UGGT2: variants seen among roughly 807,000 people sequenced by gnomAD.
UGGT2 encodes UDP-glucose glycoprotein glucosyltransferase 2.
Under a neutral mutation model 192.1 loss-of-function variants are expected in UGGT2, and 180 were observed. The ratio of observed to expected loss-of-function variants is 0.94; its 90% CI spans 0.83 to 1.06. UGGT2 has a LOEUF of 1.06. Ranked by LOEUF, UGGT2 falls within the 50% of genes least tolerant of loss-of-function variation. The pLI, the probability that UGGT2 is intolerant of heterozygous loss-of-function variation, is 0.00. For synonymous variants in UGGT2, 580 were observed against 591.0 expected (o/e 0.98, Z 0.27); for missense variants, 1,849 against 1,795.7 (o/e 1.03, Z -0.54).
chr13:95,808,585 C>A (rs765226359), intron 38 of UGGT2, among the ~76,000 whole-genome samples: 1 of 151,892 alleles, frequency 6.6e-6, no homozygotes, highest in African/African-American at 2.4e-5. Context: ...CACATATGTA[C>A]CAAAAATCTA....
intron 1 of UGGT2, among the ~76,000 whole-genome samples, chr13:96,037,115 AT>A (rs2053027792): frequency 6.6e-6 from 1 of 152,146 alleles, no homozygotes; most frequent in South Asian, 2.1e-4. Context: ...TTTCAAAAAT[AT>A]TTTCAGTCAG....
At chr13:95,885,464 C>CA (rs2047618974) in intron 26 of UGGT2, among the ~76,000 whole-genome samples, 1 of 152,144 alleles carries the variant, frequency 6.6e-6, no homozygotes, top group Admixed American at 6.5e-5. Context: ...CAATATGCTT[C>CA]AAAAGAGAAG....
At chr13:95,961,611 T>C (rs1427184368) in intron 12 of UGGT2, among the ~76,000 whole-genome samples, 2 of 151,974 alleles carry the variant, frequency 1.3e-5, no homozygotes, top group Admixed American at 1.3e-4. Context: ...GCAAACATTA[T>C]TACAGCTAAA....
intron 25 of UGGT2, among the ~76,000 whole-genome samples, chr13:95,889,319 C>T (rs939768771): frequency 6.6e-6 from 1 of 152,106 alleles, no homozygotes; most frequent in African/African-American, 2.4e-5. Flanking sequence ...TATGGTTTGT[C>T]CTACTCGTTT....
chr13:95,920,513 C>T (rs777079886), intron 20 of UGGT2, among the ~76,000 whole-genome samples: 13 of 151,552 alleles, frequency 8.6e-5, no homozygotes, highest in African/African-American at 2.7e-4. Context: ...AAAAAACAAA[C>T]GACAAAGTGG....
At chr13:95,918,075 C>G (rs953291144) in intron 20 of UGGT2, among the ~76,000 whole-genome samples, 6 of 152,218 alleles carry the variant, frequency 3.9e-5, no homozygotes, top group African/African-American at 9.6e-5. Context: ...CAAAACCCAA[C>G]AGAATATACA....
intron 22 of UGGT2, among the ~76,000 whole-genome samples, chr13:95,896,258 A>G (rs983044936): frequency 6.6e-6 from 1 of 152,116 alleles, no homozygotes; most frequent in African/African-American, 2.4e-5. Context: ...TTACTGAAGC[A>G]TAGTTCTTGA....
chr13:95,822,072 T>G (rs1411891994), intron 38 of UGGT2, among the ~76,000 whole-genome samples: 4 of 152,168 alleles, frequency 2.6e-5, no homozygotes, highest in Non-Finnish European at 4.4e-5. Flanking sequence ...ATATGAATTT[T>G]AGGATTGTTT....
At chr13:95,929,879 TG>T (rs2049184121) in intron 17 of UGGT2, among the ~76,000 whole-genome samples, 1 of 152,222 alleles carries the variant, frequency 6.6e-6, no homozygotes, top group Non-Finnish European at 1.5e-5. Context: ...CCAAAGGGGC[TG>T]AACTAATTTA....
rs2049978452 is a variant in UGGT2 at position 95,949,177 on chromosome 13, GT to G, written c.1455+157del. Among the ~76,000 whole-genome samples, 4 of 152,124 alleles carry G rather than the reference GT, an allele frequency of 2.6e-5. No homozygotes were observed. In the South Asian group the frequency reaches 8.3e-4, roughly 31 times the overall value. ...GACTAATACAGTGACATGGCTAGTTGTTGATACCCAGTCAGCCATGCCACCT... is the reference window on the plus strand; with the variant it reads ...GACTAATACAGTGACATGGCTAGTTGTGATACCCAGTCAGCCATGCCACCT... On this transcript the variant is annotated intron_variant, in intron 13 of 38. Coordinates refer to ENST00000376747, the MANE Select transcript of UGGT2 (RefSeq NM_020121.4).
intron 9 of UGGT2, chr13:95,985,240 C>CATATAT: frequency 8.2e-7 from 1 of 1,216,718 alleles, no homozygotes; most frequent in Non-Finnish European, 1.1e-6. Flanking sequence ...TATACACACC[C>CATATAT]ATATATATTT....
In UGGT2 at chr13:95,807,716, C is replaced by CTTTTTTTTTTTTTTTTTTTTTTTTTT; in HGVS notation, c.4529-5905_4529-5904insAAAAAAAAAAAAAAAAAAAAAAAAAA. Among the ~76,000 whole-genome samples the CTTTTTTTTTTTTTTTTTTTTTTTTTT allele has an allele frequency of 1.9e-4, 15 of 78,700 alleles. 2 individuals carry two copies. Among genetic ancestry groups the CTTTTTTTTTTTTTTTTTTTTTTTTTT allele is most frequent in the East Asian group, 6.9e-4 (2 of 2,890 alleles). The allele number at this position is 78,700 out of a possible 152,430, so 51.6% of individuals were successfully genotyped here. A position where few individuals can be genotyped will look rare whatever the true frequency, so the allele number is the denominator to read the frequency against. ...GTATCTTGAAACCCTCAGCCCTCAC[C>CTTTTTTTTTTTTTTTTTTTTTTTTTT]TTTTTTTTTTTTTTTTTTTGCCGTA... On this transcript the variant is annotated intron_variant, in intron 38 of 38. Coordinates refer to ENST00000376747, the MANE Select transcript of UGGT2 (RefSeq NM_020121.4).
At position 95,856,254 on chromosome 13, in the gene UGGT2, AG is replaced by A; in HGVS notation, c.3911del (p.Thr1304MetfsTer21). ...YRWPRWLRQQ[T>X]ERQRIIWGYK... ...AACCCCAAATAATCCTCTGTCTTTC[AG>A]TCTGTTGACGAAGCCAACGGGGCCA... On this transcript the variant is annotated frameshift_variant, in exon 34 of 39. Coordinates refer to ENST00000376747, the MANE Select transcript of UGGT2 (RefSeq NM_020121.4). LOFTEE classifies it high-confidence loss of function. 1 of 1,613,734 alleles carries A rather than the reference AG, an allele frequency of 6.2e-7. No homozygotes were observed. Among genetic ancestry groups the A allele is most frequent in the Non-Finnish European group, 8.5e-7 (1 of 1,179,790 alleles).
intron 20 of UGGT2, among the ~76,000 whole-genome samples, chr13:95,907,684 G>C (rs535788320): frequency 2.0e-5 from 3 of 152,282 alleles, no homozygotes; most frequent in Non-Finnish European, 4.4e-5. Context: ...CTAACAAACA[G>C]AAAGGAATAG....
chr13:96,014,153 T>C (rs1465843577), intron 4 of UGGT2, among the ~76,000 whole-genome samples: 1 of 152,206 alleles, frequency 6.6e-6, no homozygotes, highest in Non-Finnish European at 1.5e-5. Flanking sequence ...CTCATGTTTA[T>C]GGAATTCCAA....
At chr13:95,831,682 TACAGC>T (rs1487018020) in intron 38 of UGGT2, among the ~76,000 whole-genome samples, 1 of 152,164 alleles carries the variant, frequency 6.6e-6, no homozygotes, top group Admixed American at 6.6e-5. Context: ...CCTTAACTTA[TACAGC>T]TACTATACGT....
intron 1 of UGGT2, among the ~76,000 whole-genome samples, chr13:96,047,686 C>T (rs2053357342): frequency 1.3e-5 from 2 of 152,038 alleles, no homozygotes; most frequent in South Asian, 4.1e-4. Flanking sequence ...GGTTGCAATC[C>T]TAGTCTCTGA....
chr13:95,909,768 AATAAT>A, intron 20 of UGGT2, among the ~76,000 whole-genome samples: 1 of 139,796 alleles, frequency 7.2e-6, no homozygotes, highest in Admixed American at 7.3e-5. Context: ...TAATAATAAT[AATAAT>A]AATAATAAAA....
Position 95,853,533 on chromosome 13 carries a change from T to C in UGGT2, c.4284+10A>G. On this transcript the variant is annotated intron_variant, in intron 36 of 38. Transcript: ENST00000376747. ...CACACTCAAAATTATTCTGTTAACA[T>C]TTTACTTACCTGATCTAGGTTTGAA... The C allele has an allele frequency of 6.2e-7, 1 of 1,609,948 alleles. No individual in the cohort carries two copies. The highest frequency in any genetic ancestry group is 8.5e-7 in the Non-Finnish European group (1 of 1,176,898).
Sources: gnomAD v4.1 joint callset for allele counts (sites outside exome capture counted in the v4.1 genomes callset) on GRCh38, gnomAD v4.1.1 for gene constraint, MANE v1.5 for transcripts, NCBI Gene and HGNC (gene_info 2026-07-23, HGNC 2026-07-21) for gene names.